FMNL2: variants seen among roughly 807,000 people sequenced by gnomAD.
FMNL2 encodes the protein formin-like protein 2.
A neutral mutation model predicts 130.2 loss-of-function variants in FMNL2; 51 were observed. The ratio of observed to expected loss-of-function variants is 0.39; its 90% CI spans 0.31 to 0.49. The LOEUF (loss-of-function observed/expected upper bound fraction) is 0.49, where lower values mean the gene tolerates loss of function less well. Ranked by LOEUF, FMNL2 falls within the 20% of genes least tolerant of loss-of-function variation. The pLI is 0.85. For missense variants in FMNL2, 977 were observed against 1,316.2 expected (o/e 0.74, Z 3.99); for synonymous variants, 465 against 467.1 (o/e 1.00, Z 0.06).
chr2:152,358,397 C>A (rs370747668), intron 1 of FMNL2, among the ~76,000 whole-genome samples: 11 of 152,144 alleles, frequency 7.2e-5, no homozygotes, highest in African/African-American at 2.7e-4. Flanking sequence ...CACCTGTAAT[C>A]CCAGCACTTT....
At chr2:152,400,158 C>T (rs1021412795) in intron 1 of FMNL2, among the ~76,000 whole-genome samples, 2 of 152,158 alleles carry the variant, frequency 1.3e-5, no homozygotes, top group Admixed American at 6.5e-5. Context: ...ATGGGCCGGG[C>T]GCAGTGGCTC....
chr2:152,441,981 T>G (rs1688075724), intron 1 of FMNL2, among the ~76,000 whole-genome samples: 1 of 152,102 alleles, frequency 6.6e-6, no homozygotes, highest in African/African-American at 2.4e-5. Flanking sequence ...CTGTGTGTGT[T>G]TGTTTTTTAA....
intron 1 of FMNL2, among the ~76,000 whole-genome samples, chr2:152,504,301 G>A (rs560252301): frequency 1.4e-5 from 2 of 147,794 alleles, no homozygotes; most frequent in African/African-American, 2.5e-5. Flanking sequence ...TTGCTGTGTC[G>A]CCCAGGCCAA....
intron 1 of FMNL2, among the ~76,000 whole-genome samples, chr2:152,359,679 G>A (rs1320299237): frequency 2.0e-5 from 3 of 152,024 alleles, no homozygotes; most frequent in East Asian, 3.8e-4. Flanking sequence ...TAGTATCCCT[G>A]TGTTTTTCAC....
chr2:152,392,993 G>A (rs941669292), intron 1 of FMNL2, among the ~76,000 whole-genome samples: 5 of 151,972 alleles, frequency 3.3e-5, no homozygotes, highest in African/African-American at 1.2e-4. Context: ...CTTGCCTGGT[G>A]GGTCCTCTTT....
intron 1 of FMNL2, among the ~76,000 whole-genome samples, chr2:152,433,982 G>A (rs946307129): frequency 9.9e-5 from 15 of 152,130 alleles, no homozygotes; most frequent in African/African-American, 3.4e-4. Flanking sequence ...GAGGAAACTG[G>A]TACTATTAAT....
chr2:152,493,303 C>A (rs948908801), intron 1 of FMNL2, among the ~76,000 whole-genome samples: 1 of 152,144 alleles, frequency 6.6e-6, no homozygotes, highest in Non-Finnish European at 1.5e-5. Context: ...AGTGTAATTT[C>A]TTTTTTCCTG....
At position 152,572,800 on chromosome 2, in the gene FMNL2, T is replaced by G. The variant is rs934810127; in HGVS notation, c.597-2336T>G. Among the ~76,000 whole-genome samples, 3 of 152,168 alleles carry G rather than the reference T, an allele frequency of 2.0e-5. No homozygotes were observed. In the East Asian group the frequency reaches 5.8e-4, roughly 29 times the overall value. On this transcript the variant is annotated intron_variant, in intron 6 of 25. Coordinates refer to ENST00000288670, the MANE Select transcript of FMNL2 (RefSeq NM_052905.4). ...GGAGCTGAATTCAAAACCTGTTTTT[T>G]TTTTTTTTTAAAGTAGTCATTTACT...
intron 1 of FMNL2, among the ~76,000 whole-genome samples, chr2:152,509,982 C>A (rs2105356037): frequency 6.6e-6 from 1 of 151,972 alleles, no homozygotes; most frequent in Non-Finnish European, 1.5e-5. Context: ...CTCCTGGGCC[C>A]AAATGATCCT....
At chr2:152,564,757 G>A (rs143081783) in intron 6 of FMNL2, among the ~76,000 whole-genome samples, 127 of 102,960 alleles carry the variant, frequency 1.2e-3, no homozygotes, top group Non-Finnish European at 1.6e-3. Context: ...CAAACACTGC[G>A]TTCTAAAATA....
At chr2:152,456,675 A>T (rs1688974924) in intron 1 of FMNL2, among the ~76,000 whole-genome samples, 1 of 152,114 alleles carries the variant, frequency 6.6e-6, no homozygotes, top group Admixed American at 6.6e-5. Flanking sequence ...CGGGCGCGGT[A>T]GCTCACGCCT....
chr2:152,405,875 G>A (rs2105979259), intron 1 of FMNL2, among the ~76,000 whole-genome samples: 1 of 152,192 alleles, frequency 6.6e-6, no homozygotes, highest in African/African-American at 2.4e-5. Context: ...TGATATGGGT[G>A]GATATTTAAA....
At chr2:152,495,562 A>G (rs2105302137) in intron 1 of FMNL2, among the ~76,000 whole-genome samples, 2 of 147,306 alleles carry the variant, frequency 1.4e-5, no homozygotes, top group South Asian at 4.4e-4. Flanking sequence ...AGGCACGAAA[A>G]TCCGTTGAAC....
chr2:152,641,354 G>T (rs556909197), intron 25 of FMNL2, among the ~76,000 whole-genome samples: 75 of 152,306 alleles, frequency 4.9e-4, no homozygotes, highest in African/African-American at 1.8e-3. Context: ...GAGCCAACAG[G>T]CTTCCAGCCC....
intron 2 of FMNL2, among the ~76,000 whole-genome samples, chr2:152,540,058 C>T (rs983871431): frequency 6.6e-6 from 1 of 151,956 alleles, no homozygotes; most frequent in Non-Finnish European, 1.5e-5. Context: ...CCACTGCATT[C>T]CAGCCTGGGT....
At chr2:152,473,089 T>C (rs1020883401) in intron 1 of FMNL2, among the ~76,000 whole-genome samples, 8 of 152,238 alleles carry the variant, frequency 5.3e-5, no homozygotes, top group Non-Finnish European at 1.2e-4. Flanking sequence ...GTTTATTAGG[T>C]TGTGACCTTG....
Position 152,648,158 on chromosome 2 carries a change from A to AGTAT in FMNL2, c.*256_*259dup. 2.4e-6 allele frequency: 1 copy of AGTAT among 415,616 alleles called. No homozygotes were observed. The allele number at this position is 415,616 out of a possible 1,614,324, so 25.7% of individuals were successfully genotyped here. On this transcript the variant is annotated 3_prime_UTR_variant, in exon 26 of 26. Transcript: ENST00000288670. The stretch of plus-strand genomic sequence containing the variant: ...ATTTGATTAGGTATCTTTTTACACC[A>AGTAT]GTATGTTATTTTTAACCAAAATGTA...
chr2:152,450,018 C>T (rs1415449488), intron 1 of FMNL2, among the ~76,000 whole-genome samples: 4 of 152,044 alleles, frequency 2.6e-5, no homozygotes, highest in Non-Finnish European at 5.9e-5. Flanking sequence ...CTTTTAAGTC[C>T]TCTGTAACAA....
intron 1 of FMNL2, among the ~76,000 whole-genome samples, chr2:152,356,974 TAA>T (rs1251518149): frequency 6.7e-6 from 1 of 149,044 alleles, no homozygotes; most frequent in Non-Finnish European, 1.5e-5. Flanking sequence ...AAATATTAAA[TAA>T]GTTTAATATA....
Sources: allele counts gnomAD v4.1 joint callset (sites outside exome capture counted in the v4.1 genomes callset), GRCh38; gene constraint gnomAD v4.1.1; transcripts MANE v1.5; gene names NCBI Gene and HGNC (gene_info 2026-07-23, HGNC 2026-07-21).